The following AKAIN1 variants were observed in gnomAD, a reference collection of about 807,000 sequenced individuals.
The protein encoded by AKAIN1 is A-kinase anchor protein inhibitor 1.
AKAIN1 carries 3 observed loss-of-function variants against 3.7 expected under a neutral mutation model. The ratio of observed to expected loss-of-function variants is 0.82; its 90% CI spans 0.37 to 2.12. AKAIN1 has a LOEUF of 2.12. AKAIN1 is among the 30% of genes most tolerant of loss of function. The pLI is 0.06. For synonymous variants in AKAIN1, 31 were observed against 30.8 expected (o/e 1.01, Z -0.02); for missense variants, 82 against 82.7 (o/e 0.99, Z 0.03).
chr18:5,159,844 C>T (rs562686439), intron 1 of AKAIN1, among the ~76,000 whole-genome samples: 5 of 152,282 alleles, frequency 3.3e-5, no homozygotes, highest in East Asian at 3.9e-4. Context: ...CTTAATCCTG[C>T]GAAAGATAAA....
At chr18:5,168,225 A>G (rs1401686798) in intron 1 of AKAIN1, among the ~76,000 whole-genome samples, 1 of 152,110 alleles carries the variant, frequency 6.6e-6, no homozygotes, top group Non-Finnish European at 1.5e-5. Context: ...AGACGAGGCT[A>G]ACTTGAAGGA....
intron 1 of AKAIN1, among the ~76,000 whole-genome samples, chr18:5,183,700 A>C (rs745884541): frequency 4.6e-5 from 7 of 152,142 alleles, no homozygotes; most frequent in Non-Finnish European, 8.8e-5. Context: ...AAGTTACTGC[A>C]AACACTTAAT....
intron 1 of AKAIN1, among the ~76,000 whole-genome samples, chr18:5,154,656 G>A (rs989913375): frequency 5.3e-5 from 8 of 152,076 alleles, no homozygotes; most frequent in African/African-American, 1.9e-4. Flanking sequence ...GGGATGGGAG[G>A]TGGGACACGC....
Position 5,145,491 on chromosome 18 carries a change from T to G in AKAIN1, c.*71A>C. 7.6e-7 allele frequency: 1 copy of G among 1,318,820 alleles called. No homozygotes were observed. Among genetic ancestry groups the G allele is most frequent in the South Asian group, 1.4e-5 (1 of 70,204 alleles). 81.7% of individuals were successfully genotyped at this position (1,318,820 alleles called of 1,614,324 possible). A position where few individuals can be genotyped will look rare whatever the true frequency, so the allele number is the denominator to read the frequency against. ...ACTTCGGTTTGCTTTACTGGCAACA[T>G]TTTGGAGATGCGTCCTATACTAAGA... On this transcript the variant is annotated 3_prime_UTR_variant, in exon 2 of 2. Transcript: ENST00000434239.
At chr18:5,181,003 T>G (rs2071254712) in intron 1 of AKAIN1, among the ~76,000 whole-genome samples, 1 of 151,688 alleles carries the variant, frequency 6.6e-6, no homozygotes, top group Non-Finnish European at 1.5e-5. Context: ...AAAAAGAAAA[T>G]ACAGCCAGGT....
At chr18:5,146,612 A>T (rs2071050922) in intron 1 of AKAIN1, among the ~76,000 whole-genome samples, 1 of 152,202 alleles carries the variant, frequency 6.6e-6, no homozygotes, top group Non-Finnish European at 1.5e-5. Context: ...GCCCACTGTG[A>T]TCTAAAGCAG....
chr18:5,169,501 C>T (rs2071185406), intron 1 of AKAIN1, among the ~76,000 whole-genome samples: 1 of 151,944 alleles, frequency 6.6e-6, no homozygotes. Context: ...CCCTCTTCTC[C>T]AGTGAGTTCT....
At chr18:5,172,363 T>C (rs2071202479) in intron 1 of AKAIN1, among the ~76,000 whole-genome samples, 1 of 152,170 alleles carries the variant, frequency 6.6e-6, no homozygotes, top group African/African-American at 2.4e-5. Context: ...ACATTTACCA[T>C]GATGTGATTA....
At chr18:5,176,025 T>C (rs1296861440) in intron 1 of AKAIN1, among the ~76,000 whole-genome samples, 1 of 152,076 alleles carries the variant, frequency 6.6e-6, no homozygotes, top group Non-Finnish European at 1.5e-5. Flanking sequence ...TCCTTAGTCA[T>C]GACAAGGGAA....
intron 1 of AKAIN1, among the ~76,000 whole-genome samples, chr18:5,166,193 C>T (rs938857073): frequency 2.6e-5 from 4 of 151,998 alleles, no homozygotes; most frequent in South Asian, 2.1e-4. Flanking sequence ...TTATCATCTA[C>T]GTATACGTCT....
At chr18:5,195,203 G>A (rs541764691) in intron 1 of AKAIN1, among the ~76,000 whole-genome samples, 8 of 151,982 alleles carry the variant, frequency 5.3e-5, no homozygotes, top group African/African-American at 1.7e-4. Context: ...GTCAATTCAC[G>A]CCATCTCTGA....
intron 1 of AKAIN1, among the ~76,000 whole-genome samples, chr18:5,187,524 C>T (rs948352228): frequency 6.6e-5 from 10 of 152,148 alleles, no homozygotes; most frequent in Non-Finnish European, 1.3e-4. Flanking sequence ...ATATATGAAA[C>T]AGAGAGAAAT....
Position 5,145,584 on chromosome 18 carries a change from G to A in AKAIN1, c.188C>T (p.Thr63Ile). The change falls in exon 2 of 2, where the codon ACC becomes ATC. Residue 63 changes from threonine to isoleucine, a missense_variant. Coordinates refer to ENST00000434239, the MANE Select transcript of AKAIN1 (RefSeq NM_001145194.2). ...DHIQLGVGEL[T>I]KKHEKK Reference sequence around the variant, plus strand: ...ATGTTACTTCTTTTCGTGCTTCTTGGTTAACTCCCCAACGCCCAGTTGGAT... The same window carrying A: ...ATGTTACTTCTTTTCGTGCTTCTTGATTAACTCCCCAACGCCCAGTTGGAT... The A allele has an allele frequency of 6.4e-7, 1 of 1,551,514 alleles. No homozygotes were observed.
intron 1 of AKAIN1, among the ~76,000 whole-genome samples, chr18:5,158,761 ACT>A (rs1194299233): frequency 1.3e-5 from 2 of 151,232 alleles, no homozygotes; most frequent in African/African-American, 4.9e-5. Context: ...TCCTGCCAAC[ACT>A]CTGAGGCTCT....
At chr18:5,152,922 G>C (rs1231765152) in intron 1 of AKAIN1, among the ~76,000 whole-genome samples, 1 of 152,192 alleles carries the variant, frequency 6.6e-6, no homozygotes, top group Non-Finnish European at 1.5e-5. Flanking sequence ...TTTTCTGATA[G>C]TAAAGCAGCC....
At chr18:5,172,192 G>A (rs996528636) in intron 1 of AKAIN1, among the ~76,000 whole-genome samples, 1 of 152,256 alleles carries the variant, frequency 6.6e-6, no homozygotes, top group African/African-American at 2.4e-5. Flanking sequence ...ACCAGAGGCT[G>A]GGAAGGGTAG....
intron 1 of AKAIN1, among the ~76,000 whole-genome samples, chr18:5,148,050 G>A (rs2071059226): frequency 6.6e-6 from 1 of 152,184 alleles, no homozygotes; most frequent in Non-Finnish European, 1.5e-5. Context: ...CATTAATTTA[G>A]GTTGGTTGTT....
chr18:5,168,417 G>C (rs1239360368), intron 1 of AKAIN1, among the ~76,000 whole-genome samples: 1 of 152,060 alleles, frequency 6.6e-6, no homozygotes, highest in Admixed American at 6.6e-5. Context: ...CTGTATTGTA[G>C]AAGAGGAAAG....
intron 1 of AKAIN1, among the ~76,000 whole-genome samples, chr18:5,185,612 T>G (rs1246283971): frequency 6.6e-6 from 1 of 151,980 alleles, no homozygotes; most frequent in African/African-American, 2.4e-5. Context: ...ACATCACTAA[T>G]CACTAGAGAA....
Sources: allele counts gnomAD v4.1 joint callset (sites outside exome capture counted in the v4.1 genomes callset), GRCh38; gene constraint gnomAD v4.1.1; transcripts MANE v1.5; gene names NCBI Gene and HGNC (gene_info 2026-07-23, HGNC 2026-07-21).